The following ATAD2 variants were observed in gnomAD, a reference collection of about 807,000 sequenced individuals.
ATAD2 encodes ATPase family AAA domain-containing protein 2.
A neutral mutation model predicts 168.9 loss-of-function variants in ATAD2; 62 were observed. The observed-to-expected ratio is 0.37, with a 90% CI of 0.30 to 0.45. ATAD2 has a LOEUF of 0.45. ATAD2 is among the 20% of genes least tolerant of loss of function. The probability of loss-of-function intolerance (pLI) is 1.00; values close to 1 mark genes in which losing one functional copy is unlikely to be tolerated. For synonymous variants in ATAD2, 613 were observed against 571.6 expected, an observed-to-expected ratio of 1.07 and a Z score of -1.03; for missense variants, 1,419 against 1,667.8, an observed-to-expected ratio of 0.85 and a Z score of 2.60.
chr8:123,339,483 T>C (rs1177328346), intron 19 of ATAD2, 37 bp from the exon 20 acceptor site: 59 of 1,502,688 alleles, frequency 3.9e-5, no homozygotes, highest in Non-Finnish European at 5.3e-5. Context: ...ATATCATATA[T>C]ACAGATGATC....
intron 21 of ATAD2, among the ~76,000 whole-genome samples, chr8:123,337,242 A>T (rs1327295016): frequency 1.3e-5 from 2 of 152,006 alleles, no homozygotes; most frequent in Non-Finnish European, 2.9e-5. Flanking sequence ...ACACGCCTGT[A>T]GTCCCAGCTA....
chr8:123,343,750 A>G (rs182584058), intron 19 of ATAD2, among the ~76,000 whole-genome samples: 66 of 152,364 alleles, frequency 4.3e-4, no homozygotes, highest in Non-Finnish European at 8.2e-4. Flanking sequence ...AAGCAAATTA[A>G]TATTTAATGG....
upstream of ATAD2, chr8:123,400,978 A>G: frequency 6.9e-7 from 1 of 1,445,142 alleles, no homozygotes; most frequent in Non-Finnish European, 9.7e-7. This position sits in a 1 kb window ranked among gnomAD's most constrained non-coding sequence, Gnocchi z 4.5. Context: ...GGAGGCCACG[A>G]TGCGGCATGG....
At position 123,337,311 on chromosome 8, in the gene ATAD2, C is replaced by T. The variant is rs182315218; in HGVS notation, c.3051+314G>A. On this transcript the variant is annotated intron_variant, in intron 21 of 27. Transcript: ENST00000287394. ...CTGGGAGGTGGAGGTTGCAATGAGC[C>T]GAGATCGCGCCATTGCATTCCAGCC... 1.9e-4 allele frequency among the ~76,000 whole-genome samples: 28 copies of T among 151,246 alleles called. No homozygotes were observed. The East Asian group carries it at 3.9e-3, about 21-fold the overall frequency.
chr8:123,374,846 C>A (rs1457104189), intron 2 of ATAD2, among the ~76,000 whole-genome samples: 1 of 152,154 alleles, frequency 6.6e-6, no homozygotes, highest in African/African-American at 2.4e-5. Context: ...GTACACTCTG[C>A]GAAGACTATA....
chr8:123,408,864 A>G (rs1447463775), intron 1 of ATAD2, among the ~76,000 whole-genome samples: 2 of 140,034 alleles, frequency 1.4e-5, no homozygotes, highest in Admixed American at 7.4e-5. Flanking sequence ...GTCTCGCTCT[A>G]TCACCCAGGC....
intron 8 of ATAD2, among the ~76,000 whole-genome samples, chr8:123,367,595 TCATTACATTTCAC>T (rs907513632): frequency 6.6e-6 from 1 of 152,110 alleles, no homozygotes; most frequent in African/African-American, 2.4e-5. Context: ...TTTCTGAAGA[TCATTACATTTCAC>T]CACCAAAATA....
At position 123,384,091 on chromosome 8, in the gene ATAD2, A is replaced by G. The variant is rs945742764; in HGVS notation, c.172-3414T>C. Among the ~76,000 whole-genome samples, 81 of 152,044 alleles carry G rather than the reference A, an allele frequency of 5.3e-4. No individual in the cohort carries two copies. In the South Asian group the frequency reaches 5.6e-3, roughly 10 times the overall value. ...CGAGACTCCGTCTCAAAAAAAAAAA[A>G]AAAGAAAGAAAGAAAAAAACTGAAT... On this transcript the variant is annotated intron_variant, in intron 1 of 27. Coordinates refer to ENST00000287394, the MANE Select transcript of ATAD2 (RefSeq NM_014109.4).
chr8:123,383,212 G>C (rs1419842094), intron 1 of ATAD2, among the ~76,000 whole-genome samples: 1 of 152,134 alleles, frequency 6.6e-6, no homozygotes, highest in Non-Finnish European at 1.5e-5. Context: ...GGGGGCATGA[G>C]GAGGGATAGC....
chr8:123,378,545 T>C (rs1829390922), intron 2 of ATAD2, among the ~76,000 whole-genome samples: 1 of 151,492 alleles, frequency 6.6e-6, no homozygotes, highest in Non-Finnish European at 1.5e-5. Context: ...CTACTAAAAA[T>C]ACAAAAATTA....
Position 123,337,747 on chromosome 8 carries a change from G to T in ATAD2, c.2929C>A (p.Arg977=). The T allele has an allele frequency of 6.2e-7, 1 of 1,613,370 alleles. No individual in the cohort carries two copies. Among genetic ancestry groups the T allele is most frequent in the Non-Finnish European group, 8.5e-7 (1 of 1,179,698 alleles). The change falls in exon 21 of 28, where the codon CGA becomes AGA. Residue 977 remains arginine, a synonymous_variant. Transcript: ENST00000287394. Reference sequence around the variant, plus strand: ...GTATCTTCTTCTTGTTCTTCTAGTCGTTTCACTTCTTCTGCTGTCAGTGAT... The same window carrying T: ...GTATCTTCTTCTTGTTCTTCTAGTCTTTTCACTTCTTCTGCTGTCAGTGAT... The part of the protein sequence containing the change: ...PRSLTAEEVK[R]LEEQEEDTFR...
chr8:123,354,974 G>A (rs995456932), intron 13 of ATAD2, among the ~76,000 whole-genome samples: 2 of 145,528 alleles, frequency 1.4e-5, no homozygotes, highest in Non-Finnish European at 1.5e-5. Context: ...CCAAAACACA[G>A]TAAGTACTCA....
intron 20 of ATAD2, 86 bp from the exon 21 acceptor site, chr8:123,337,907 G>A: frequency 7.7e-7 from 1 of 1,294,836 alleles, no homozygotes; most frequent in South Asian, 1.6e-5. Flanking sequence ...GTCAGGATTT[G>A]AGGGATTATC....
rs180726187 is a variant in ATAD2 at position 123,371,470 on chromosome 8, T to C, written c.537-132A>G. The C allele has an allele frequency of 1.3e-5, 11 of 852,394 alleles. No homozygotes were observed. The East Asian group carries it at 2.8e-4, about 21-fold the overall frequency. 52.8% of individuals were successfully genotyped at this position (852,394 alleles called of 1,614,324 possible). A position where few individuals can be genotyped will look rare whatever the true frequency, so the allele number is the denominator to read the frequency against. The stretch of plus-strand genomic sequence containing the variant: ...ATTTTTATAAGAAGCATTGATTTAC[T>C]TGTATAAAAATATTTTAAAATTTCT... On this transcript the variant is annotated intron_variant, in intron 4 of 27. Transcript: ENST00000287394.
chr8:123,397,542 T>C (rs556967063), upstream of ATAD2, among the ~76,000 whole-genome samples: 81 of 152,314 alleles, frequency 5.3e-4, no homozygotes, highest in Non-Finnish European at 7.2e-4. Flanking sequence ...CGCTGAATGA[T>C]CAGAATGTCC....
upstream of ATAD2, among the ~76,000 whole-genome samples, chr8:123,399,757 G>A (rs145182340): frequency 9.4e-4 from 143 of 152,200 alleles, 1 homozygote; most frequent in East Asian, 0.025. Context: ...AGGAGGCTGA[G>A]GCAGAAGAAT....
At chr8:123,351,366 A>G (rs975731128) in intron 13 of ATAD2, among the ~76,000 whole-genome samples, 11 of 152,198 alleles carry the variant, frequency 7.2e-5, no homozygotes, top group Admixed American at 1.3e-4. Context: ...AAGATGTTTA[A>G]CAGCCTTCAT....
rs58743148 is a variant in ATAD2, at chr8:123,389,986, T to TATATATATACATATA, written c.171+6200_171+6201insTATATGTATATATAT. ...TATATATATATATATATATATATATTTTTTTTTTTTTAGACAGAGTCTTGC... is the reference window on the plus strand; with the variant it reads ...TATATATATATATATATATATATATTATATATATACATATATTTTTTTTTTTAGACAGAGTCTTGC... On this transcript the variant is annotated intron_variant, in intron 1 of 27. Coordinates refer to ENST00000287394, the MANE Select transcript of ATAD2 (RefSeq NM_014109.4). 5.9e-5 allele frequency among the ~76,000 whole-genome samples: 4 copies of TATATATATACATATA among 67,664 alleles called. 1 individual carries two copies. The South Asian group carries it at 2.0e-3, about 35-fold the overall frequency. 44.4% of individuals were successfully genotyped at this position (67,664 alleles called of 152,430 possible). A position where few individuals can be genotyped will look rare whatever the true frequency, so the allele number is the denominator to read the frequency against.
At chr8:123,324,501 T>C (rs1384173293) in intron 26 of ATAD2, among the ~76,000 whole-genome samples, 1 of 152,154 alleles carries the variant, frequency 6.6e-6, no homozygotes, top group African/African-American at 2.4e-5. Flanking sequence ...ATCCAAGTTG[T>C]TGGTTGAGGA....
Sources: gnomAD v4.1 joint callset for allele counts (sites outside exome capture counted in the v4.1 genomes callset) on GRCh38, gnomAD v4.1.1 for gene constraint, Gnocchi (gnomAD v3.1) non-coding constraint, MANE v1.5 for transcripts, NCBI Gene and HGNC (gene_info 2026-07-23, HGNC 2026-07-21) for gene names.